Variants in NEURL1B observed in about 807,000 individuals in gnomAD.
NEURL1B encodes neuralized E3 ubiquitin protein ligase 1B.
NEURL1B carries 13 observed loss-of-function variants against 37.4 expected under a neutral mutation model. That is an observed-to-expected ratio of 0.35 (90% confidence interval 0.23 to 0.55). The LOEUF is 0.55. NEURL1B is among the 20% of genes least tolerant of loss of function. NEURL1B has a pLI of 0.89. For synonymous variants in NEURL1B, 432 were observed against 426.6 expected, an observed-to-expected ratio of 1.01 and a Z score of -0.16; for missense variants, 790 against 879.2, an observed-to-expected ratio of 0.90 and a Z score of 1.28.
At chr5:172,668,371 C>A (rs773792196) in intron 1 of NEURL1B, among the ~76,000 whole-genome samples, 3 of 152,308 alleles carry the variant, frequency 2.0e-5, no homozygotes, top group Non-Finnish European at 2.9e-5. Flanking sequence ...TTCTGTGGGC[C>A]AGCGGCTTCT....
intron 1 of NEURL1B, among the ~76,000 whole-genome samples, chr5:172,664,930 A>AT (rs1581428957): frequency 1.3e-5 from 2 of 152,178 alleles, no homozygotes; most frequent in African/African-American, 4.8e-5. Context: ...ACTTGGCCGC[A>AT]TTTTATCCTA....
chr5:172,667,275 T>TAAAAAAAAAAAAAAAAAAAAAAA lies in NEURL1B; in HGVS notation c.32-2489_32-2488insAAAAAAAAAAAAAAAAAAAAAAA, dbSNP rs55663413. Among the ~76,000 whole-genome samples, 27 of 72,286 alleles carry TAAAAAAAAAAAAAAAAAAAAAAA rather than the reference T, an allele frequency of 3.7e-4. 2 individuals carry two copies. Among genetic ancestry groups the TAAAAAAAAAAAAAAAAAAAAAAA allele is most frequent in the African/African-American group, 1.5e-3 (19 of 12,416 alleles). 47.4% of individuals were successfully genotyped at this position (72,286 alleles called of 152,430 possible). ...CAACATGGTGAAACCCTGTCTCTAC[T>TAAAAAAAAAAAAAAAAAAAAAAA]AAAAAAAAAAAAAAAAAAAAATTAG... On this transcript the variant is annotated intron_variant, in intron 1 of 4. Transcript: ENST00000369800.
chr5:172,670,312 G>C lies in NEURL1B; in HGVS notation c.559G>C (p.Asp187His). The C allele has an allele frequency of 1.5e-6, 2 of 1,369,136 alleles. No individual in the cohort carries two copies. Among genetic ancestry groups the C allele is most frequent in the Non-Finnish European group, 1.9e-6 (2 of 1,065,192 alleles). The allele number at this position is 1,369,136 out of a possible 1,614,324, so 84.8% of individuals were successfully genotyped here. A position where few individuals can be genotyped will look rare whatever the true frequency, so the allele number is the denominator to read the frequency against. ...GCTCATTGATGTCTACGGCATCACCGACGAGGTGCAGCTTCTGGGTAGGTC... is the reference window on the plus strand; with the variant it reads ...GCTCATTGATGTCTACGGCATCACCCACGAGGTGCAGCTTCTGGGTAGGTC... ...WALIDVYGIT[D>H]EVQLLESAFA... Residue 187 changes from aspartate to histidine, a missense_variant, in exon 2 of 5, where the codon GAC (aspartate) becomes CAC (histidine). Coordinates refer to ENST00000369800, the MANE Select transcript of NEURL1B (RefSeq NM_001142651.3).
intron 2 of NEURL1B, among the ~76,000 whole-genome samples, chr5:172,680,660 C>G (rs1257844531): frequency 6.6e-6 from 1 of 152,090 alleles, no homozygotes; most frequent in African/African-American, 2.4e-5. Context: ...CTATAAGAAG[C>G]AAATTTCTAC....
intron 2 of NEURL1B, among the ~76,000 whole-genome samples, chr5:172,670,729 G>A (rs749590321): frequency 1.3e-5 from 2 of 151,700 alleles, no homozygotes; most frequent in East Asian, 1.9e-4. Context: ...TCACTCATTC[G>A]CACATGTATT....
intron 1 of NEURL1B, among the ~76,000 whole-genome samples, chr5:172,645,316 G>A (rs1298991995): frequency 6.6e-6 from 1 of 152,150 alleles, no homozygotes. Flanking sequence ...AGACAAAGAA[G>A]CACTCGCTTA....
In NEURL1B at chr5:172,686,628, A is replaced by G. The variant is rs1472550686; in HGVS notation, c.1424-53A>G. The G allele has an allele frequency of 1.3e-6, 2 of 1,519,656 alleles. No individual in the cohort carries two copies. Among genetic ancestry groups the G allele is most frequent in the Non-Finnish European group, 1.8e-6 (2 of 1,124,672 alleles). The allele number at this position is 1,519,656 out of a possible 1,614,324, so 94.1% of individuals were successfully genotyped here. On this transcript the variant is annotated intron_variant, in intron 4 of 4. Transcript: ENST00000369800. This position sits in a 1 kb window ranked among gnomAD's most constrained non-coding sequence, Gnocchi z 7.9. The stretch of plus-strand genomic sequence containing the variant: ...TGCATTCTCGGGGTTGCCCCAACAG[A>G]GCCCACCTGAGAGAGACATTGTTAA...
In NEURL1B at chr5:172,675,547, C is replaced by A. The variant is rs953498407; in HGVS notation, c.577+5217C>A. 6.6e-6 allele frequency among the ~76,000 whole-genome samples: 1 copy of A among 152,070 alleles called. No individual in the cohort carries two copies. Among genetic ancestry groups the A allele is most frequent in the African/African-American group, 2.4e-5 (1 of 41,416 alleles). ...AGGGCCAAAGAGAAGGGACTGAGTG[C>A]AGGAAAATTACTTTTCGCTGAATTT... On this transcript the variant is annotated intron_variant, in intron 2 of 4. Coordinates refer to ENST00000369800, the MANE Select transcript of NEURL1B (RefSeq NM_001142651.3). This position sits in a 1 kb window ranked among gnomAD's most constrained non-coding sequence, Gnocchi z 4.7.
intron 1 of NEURL1B, among the ~76,000 whole-genome samples, chr5:172,648,180 C>G (rs185229685): frequency 6.6e-6 from 1 of 152,192 alleles, no homozygotes; most frequent in Non-Finnish European, 1.5e-5. Context: ...AGACAAGTGA[C>G]GTAACCTCTC....
At chr5:172,666,941 T>C (rs56056505) in intron 1 of NEURL1B, among the ~76,000 whole-genome samples, 41,921 of 151,936 alleles carry the variant, frequency 0.28, 6,547 homozygotes, top group South Asian at 0.38. Flanking sequence ...AAAATGGGCT[T>C]GTTGGAGGAG....
rs1581444875 is a variant in NEURL1B, at chr5:172,689,664, A to G, written c.*2739A>G. 6.6e-6 allele frequency: 1 copy of G among 152,104 alleles called. No homozygotes were observed. Among genetic ancestry groups the G allele is most frequent in the Admixed American group, 6.5e-5 (1 of 15,272 alleles). The allele number at this position is 152,104 out of a possible 1,614,324, so 9.4% of individuals were successfully genotyped here. ...AGGAGATGGCAGGGCTGGGATTCAA[A>G]CCCGGGAGTGTCTGCTGCCACATCC... On this transcript the variant is annotated 3_prime_UTR_variant, in exon 5 of 5. Transcript: ENST00000369800.
In NEURL1B at chr5:172,661,966, T is replaced by G. The variant is rs1187067503; in HGVS notation, c.32-7819T>G. On this transcript the variant is annotated intron_variant, in intron 1 of 4. Transcript: ENST00000369800. This position sits in a 1 kb window ranked among gnomAD's most constrained non-coding sequence, Gnocchi z 4.0. The stretch of plus-strand genomic sequence containing the variant: ...CCAAGGGGAAGCAACCCCAGGGTTT[T>G]CAAGAGGCCTCTGCTGGCCAAGGTT... Among the ~76,000 whole-genome samples, 1 of 152,162 alleles carries G rather than the reference T, an allele frequency of 6.6e-6. No individual in the cohort carries two copies. The highest frequency in any genetic ancestry group is 1.5e-5 in the Non-Finnish European group (1 of 68,016).
rs1279006243 is a variant in NEURL1B at position 172,683,753 on chromosome 5, C to A, written c.912C>A (p.Pro304=). 60 of 1,312,950 alleles carry A rather than the reference C, an allele frequency of 4.6e-5. 1 individual carries two copies. In the East Asian group the frequency reaches 1.5e-3, roughly 32 times the overall value. 81.3% of individuals were successfully genotyped at this position (1,312,950 alleles called of 1,614,324 possible). The part of the protein sequence containing the change: ...ADRKVACAPR[P]DGGRTLVFSE... ...GCAAAGTGGCCTGCGCACCGCGGCC[C>A]GACGGCGGCCGCACGCTGGTCTTCT... Residue 304 remains proline (P), a synonymous_variant, in exon 3 of 5, where the codon CCC becomes CCA. Transcript: ENST00000369800. This position sits in a 1 kb window ranked among gnomAD's most constrained non-coding sequence, Gnocchi z 5.6.
intron 3 of NEURL1B, among the ~76,000 whole-genome samples, chr5:172,684,590 C>G (rs1758446748): frequency 6.6e-6 from 1 of 151,468 alleles, no homozygotes; most frequent in Non-Finnish European, 1.5e-5. Flanking sequence ...ATAAATTCGA[C>G]TGCACATGAA....
chr5:172,678,479 C>G (rs1054163121), intron 2 of NEURL1B, among the ~76,000 whole-genome samples: 1 of 152,178 alleles, frequency 6.6e-6, no homozygotes, highest in Non-Finnish European at 1.5e-5. Flanking sequence ...ACTCTTGAAT[C>G]CCCCACCTCC....
At chr5:172,644,261 T>C (rs1757521851) in intron 1 of NEURL1B, among the ~76,000 whole-genome samples, 1 of 152,178 alleles carries the variant, frequency 6.6e-6, no homozygotes, top group Non-Finnish European at 1.5e-5. Context: ...CATCTCCATA[T>C]TACAGTTGAG....
rs1336977472 is a variant in NEURL1B, at chr5:172,683,648, C to T, written c.807C>T (p.Pro269=). 53 of 1,250,888 alleles carry T rather than the reference C, an allele frequency of 4.2e-5. No homozygotes were observed. The highest frequency in any genetic ancestry group is 5.4e-5 in the Non-Finnish European group (53 of 989,870). The allele number at this position is 1,250,888 out of a possible 1,614,324, so 77.5% of individuals were successfully genotyped here. A position where few individuals can be genotyped will look rare whatever the true frequency, so the allele number is the denominator to read the frequency against. Residue 269 remains proline (P), a synonymous_variant, in exon 3 of 5, where the codon CCC becomes CCT. Coordinates refer to ENST00000369800, the MANE Select transcript of NEURL1B (RefSeq NM_001142651.3). This position sits in a 1 kb window ranked among gnomAD's most constrained non-coding sequence, Gnocchi z 5.6. ...IPCGPRERPR[P]ASSPALLEAD... ...GCGGGCCCCGTGAGCGCCCGCGGCCCGCGTCGTCGCCGGCGCTACTGGAGG... is the reference window on the plus strand; with the variant it reads ...GCGGGCCCCGTGAGCGCCCGCGGCCTGCGTCGTCGCCGGCGCTACTGGAGG...
intron 1 of NEURL1B, among the ~76,000 whole-genome samples, chr5:172,648,156 G>A (rs548667126): frequency 1.3e-5 from 2 of 152,298 alleles, no homozygotes; most frequent in South Asian, 2.1e-4. Context: ...TCTGGGCCTC[G>A]CCCCTTTTTA....
In NEURL1B at chr5:172,690,401, C is replaced by T. The variant is rs549378186; in HGVS notation, c.*3476C>T. 4 of 152,228 alleles carry T rather than the reference C, an allele frequency of 2.6e-5. No homozygotes were observed. The highest frequency in any genetic ancestry group is 3.9e-4 in the East Asian group (2 of 5,184). The allele number at this position is 152,228 out of a possible 1,614,324, so 9.4% of individuals were successfully genotyped here. A position where few individuals can be genotyped will look rare whatever the true frequency, so the allele number is the denominator to read the frequency against. On this transcript the variant is annotated 3_prime_UTR_variant, in exon 5 of 5. Transcript: ENST00000369800. ...CCCCGGTGCTGGTCCTGTGCCAGCA[C>T]GTAGTAGTTACTCAGTAGAGGTTTG... is the stretch of plus-strand genomic sequence containing the variant.
Sources: gnomAD v4.1 joint callset for allele counts (sites outside exome capture counted in the v4.1 genomes callset) on GRCh38, gnomAD v4.1.1 for gene constraint, Gnocchi (gnomAD v3.1) non-coding constraint, MANE v1.5 for transcripts, NCBI Gene and HGNC (gene_info 2026-07-23, HGNC 2026-07-21) for gene names.